Variants in ZBED6 observed in about 807,000 individuals in gnomAD.
The protein encoded by ZBED6 is zinc finger BED domain-containing protein 6.
In ZBED6, 40 loss-of-function variants were observed where a neutral mutation model predicts 58.4. The observed-to-expected ratio is 0.68, with a 90% CI of 0.53 to 0.89. The LOEUF (loss-of-function observed/expected upper bound fraction) is 0.89. Ranked by LOEUF, ZBED6 falls within the 40% of genes least tolerant of loss-of-function variation. The probability of loss-of-function intolerance (pLI) is 0.00; values close to 1 mark genes in which losing one functional copy is unlikely to be tolerated. For synonymous variants in ZBED6, 439 were observed against 350.6 expected (o/e 1.25, Z -2.82); for missense variants, 1,057 against 1,003.9 (o/e 1.05, Z -0.71).
exon 7 of ZBED6, chr1:203,830,176 A>T (rs766844512): frequency 6.2e-7 from 1 of 1,600,252 alleles, no homozygotes; most frequent in East Asian, 2.2e-5. Context: ...GTCAAAGAAA[A>T]TGAAGGAAAA....
intron 3 of ZBED6, among the ~76,000 whole-genome samples, chr1:203,823,838 T>G (rs1256173090): frequency 6.6e-6 from 1 of 152,218 alleles, no homozygotes; most frequent in East Asian, 1.9e-4. Flanking sequence ...AAAATAAGGT[T>G]TTACTACATT....
At chr1:203,817,052 A>C (rs746741384) in exon 2 of ZBED6, 1 of 1,598,500 alleles carries the variant, frequency 6.3e-7, no homozygotes, top group Non-Finnish European at 8.5e-7. Context: ...GCCACTTCTG[A>C]TCTAAGAATC....
intron 9 of ZBED6, chr1:203,835,778 CT>C: frequency 4.2e-6 from 1 of 239,898 alleles, no homozygotes. Flanking sequence ...AAGCACATCT[CT>C]TGCCCAAATA....
intron 1 of ZBED6, among the ~76,000 whole-genome samples, chr1:203,804,297 A>C (rs1571922193): frequency 6.6e-6 from 1 of 151,404 alleles, no homozygotes; most frequent in Middle Eastern, 3.4e-3. Context: ...GACTACAGGC[A>C]CCCGCCACCT....
chr1:203,833,777 T>C lies in ZBED6; in HGVS notation c.*3511-14T>C, dbSNP rs1370475420. On this transcript the variant is annotated splice_polypyrimidine_tract_variant and intron_variant, in intron 8 of 16. Transcript: ENST00000550078. ...TTGACTAAGGATAGAGAAATTCTGCTTTTGCCATTTCAGGAGAAGAACCCT... is the reference window on the plus strand; with the variant it reads ...TTGACTAAGGATAGAGAAATTCTGCCTTTGCCATTTCAGGAGAAGAACCCT... 21 of 1,604,206 alleles carry C rather than the reference T, an allele frequency of 1.3e-5. No homozygotes were observed. Among genetic ancestry groups the C allele is most frequent in the Non-Finnish European group, 1.6e-5 (19 of 1,176,484 alleles).
At chr1:203,835,403 A>G (rs1205298530) in intron 9 of ZBED6, among the ~76,000 whole-genome samples, 1 of 152,256 alleles carries the variant, frequency 6.6e-6, no homozygotes. Flanking sequence ...ATTACACGTT[A>G]TACAGTCATT....
chr1:203,840,885 C>T lies in ZBED6; in HGVS notation c.*3741+511C>T, dbSNP rs1163997220. ...CTGACCTTAGGTGATCCACCTGCCT[C>T]AGCCTCCCAAAATCCTGGGATTACA... On this transcript the variant is annotated intron_variant, in intron 11 of 16. Coordinates refer to ENST00000550078, the Ensembl canonical transcript of ZBED6. 2.0e-5 allele frequency among the ~76,000 whole-genome samples: 3 copies of T among 152,240 alleles called. No homozygotes were observed. The East Asian group carries it at 5.8e-4, about 29-fold the overall frequency.
intron 9 of ZBED6, among the ~76,000 whole-genome samples, chr1:203,834,379 C>A (rs1291601701): frequency 6.6e-6 from 1 of 152,092 alleles, no homozygotes; most frequent in Non-Finnish European, 1.5e-5. Flanking sequence ...TCAAGTGATC[C>A]TCCTGCCCCA....
At chr1:203,837,743 G>C (rs2103164318) in intron 9 of ZBED6, among the ~76,000 whole-genome samples, 1 of 152,222 alleles carries the variant, frequency 6.6e-6, no homozygotes, top group Middle Eastern at 3.4e-3. Flanking sequence ...CTCCCAAAGT[G>C]CTGAGATTAC....
At chr1:203,838,591 A>G (rs967808146) in intron 10 of ZBED6, among the ~76,000 whole-genome samples, 2 of 152,228 alleles carry the variant, frequency 1.3e-5, no homozygotes, top group Non-Finnish European at 2.9e-5. Flanking sequence ...TGACTAGATC[A>G]TAATATAGTC....
At chr1:203,848,299 A>T (rs777071589) in intron 12 of ZBED6, 32 bp from the exon 13 acceptor site, 1 of 1,565,606 alleles carries the variant, frequency 6.4e-7, no homozygotes, top group Non-Finnish European at 8.7e-7. Context: ...GCTTAAATAA[A>T]ATAACTAATG....
chr1:203,851,393 A>G lies in ZBED6; in HGVS notation c.*4873+269A>G, dbSNP rs1689219849. ...CACCCAGACTGGAGTGCAGTGGCAC[A>G]ATCTCTGCTCACTGCAACCTCCACT... On this transcript the variant is annotated intron_variant, in intron 16 of 16. Transcript: ENST00000550078. Among the ~76,000 whole-genome samples, 2 of 152,138 alleles carry G rather than the reference A, an allele frequency of 1.3e-5. 1 individual carries two copies. Among genetic ancestry groups the G allele is most frequent in the Admixed American group, 1.3e-4 (2 of 15,272 alleles).
chr1:203,796,230 A>G (rs1254351347), exon 1 of ZBED6: 4 of 392,996 alleles, frequency 1.0e-5, no homozygotes, highest in Non-Finnish European at 1.8e-5. Flanking sequence ...GCGGACCCTC[A>G]CTGCCTAAAT....
chr1:203,825,553 G>A (rs554678507), intron 3 of ZBED6, among the ~76,000 whole-genome samples: 1 of 148,840 alleles, frequency 6.7e-6, no homozygotes, highest in East Asian at 2.0e-4. Context: ...TCCTGTCTCA[G>A]CCTCCCGCAT....
exon 1 of ZBED6, chr1:203,796,774 C>G (rs1473709191): frequency 3.9e-6 from 1 of 257,904 alleles, no homozygotes; most frequent in Non-Finnish European, 7.3e-6. Context: ...TGAATTAACT[C>G]TTAATACAAA....
At chr1:203,805,369 G>T (rs1159884825) in intron 1 of ZBED6, among the ~76,000 whole-genome samples, 2 of 152,192 alleles carry the variant, frequency 1.3e-5, no homozygotes, top group East Asian at 3.9e-4. Context: ...CTGACCTTGT[G>T]ATCTGCCTGC....
At chr1:203,848,505 A>G in intron 13 of ZBED6, 98 bp downstream of exon 13, 2 of 826,296 alleles carry the variant, frequency 2.4e-6, no homozygotes, top group Non-Finnish European at 3.9e-6. Context: ...CTTCATTCAT[A>G]TATTAGGTAA....
rs1310537515 is a variant in ZBED6, at chr1:203,838,077, T to C, written c.*3672+13T>C. On this transcript the variant is annotated intron_variant, in intron 10 of 16. Coordinates refer to ENST00000550078, the Ensembl canonical transcript of ZBED6. ...ACACCAAAGAAAGGTACCTGTGTTCTTACATACTTTGTGTGTGTATGTAAT... is the reference window on the plus strand; with the variant it reads ...ACACCAAAGAAAGGTACCTGTGTTCCTACATACTTTGTGTGTGTATGTAAT... The C allele has an allele frequency of 1.9e-6, 3 of 1,612,108 alleles. No homozygotes were observed. The African/African-American group carries it at 4.0e-5, about 22-fold the overall frequency.
chr1:203,839,097 G>A (rs910574589), intron 10 of ZBED6, among the ~76,000 whole-genome samples: 4 of 152,262 alleles, frequency 2.6e-5, no homozygotes, highest in Admixed American at 1.3e-4. Flanking sequence ...GAGATGAGTT[G>A]GCAGGCTGTT....
Sources: gnomAD v4.1 joint callset for allele counts (sites outside exome capture counted in the v4.1 genomes callset) on GRCh38, gnomAD v4.1.1 for gene constraint, MANE v1.5 for transcripts, NCBI Gene and HGNC (gene_info 2026-07-23, HGNC 2026-07-21) for gene names.